ACAP2: variants seen among roughly 807,000 people sequenced by gnomAD.
The protein encoded by ACAP2 is ArfGAP with coiled-coil, ankyrin repeat and PH domains 2.
In ACAP2, 39 loss-of-function variants were observed where a neutral mutation model predicts 115.8. That is an observed-to-expected ratio of 0.34 (90% confidence interval 0.26 to 0.44). ACAP2 has a LOEUF of 0.44. Among genes scored for constraint, ACAP2 ranks in the 20% least tolerant of loss-of-function variants. The probability of loss-of-function intolerance (pLI) is 1.00; values close to 1 mark genes in which losing one functional copy is unlikely to be tolerated. For synonymous variants in ACAP2, 289 were observed against 315.8 expected (o/e 0.92, Z 0.90); for missense variants, 662 against 927.6 (o/e 0.71, Z 3.72).
At chr3:195,321,028 C>A (rs897585324) in intron 9 of ACAP2, among the ~76,000 whole-genome samples, 1 of 151,782 alleles carries the variant, frequency 6.6e-6, no homozygotes, top group Non-Finnish European at 1.5e-5. Context: ...TTATTTTATG[C>A]AATACTTATT....
At chr3:195,404,660 T>C (rs1436736015) in intron 1 of ACAP2, among the ~76,000 whole-genome samples, 5 of 150,354 alleles carry the variant, frequency 3.3e-5, no homozygotes, top group African/African-American at 4.9e-5. Context: ...TTGCCATATA[T>C]ACACACACAC....
intron 15 of ACAP2, among the ~76,000 whole-genome samples, chr3:195,297,924 C>G (rs931855110): frequency 6.6e-6 from 1 of 152,200 alleles, no homozygotes; most frequent in Non-Finnish European, 1.5e-5. Flanking sequence ...TAAATTATAT[C>G]TGTACCTTCT....
chr3:195,295,715 T>C lies in ACAP2; in HGVS notation c.1665A>G (p.Gln555=). 1 of 1,614,102 alleles carries C rather than the reference T, an allele frequency of 6.2e-7. No individual in the cohort carries two copies. The highest frequency in any genetic ancestry group is 8.5e-7 in the Non-Finnish European group (1 of 1,179,980). The change falls in exon 17 of 23, where the codon CAA becomes CAG. Residue 555 remains glutamine (Q), a synonymous_variant. Coordinates refer to ENST00000326793, the MANE Select transcript of ACAP2 (RefSeq NM_012287.6). ...GPGDQVRASA[Q]SSVRSNDSGI... ...TAAGAAAGTTTGCCATACCTGAACTTTGGGCAGATGCTCTGACTTGGTCCC... is the reference window on the plus strand; with the variant it reads ...TAAGAAAGTTTGCCATACCTGAACTCTGGGCAGATGCTCTGACTTGGTCCC...
chr3:195,406,837 T>G (rs1413906237), intron 1 of ACAP2, among the ~76,000 whole-genome samples: 3 of 152,162 alleles, frequency 2.0e-5, no homozygotes, highest in Non-Finnish European at 4.4e-5. Flanking sequence ...TCCAAGGAAG[T>G]ATAAACTAAG....
intron 1 of ACAP2, among the ~76,000 whole-genome samples, chr3:195,425,025 T>TAAAAAAAA (rs1714569564): frequency 9.0e-5 from 2 of 22,160 alleles, no homozygotes; most frequent in Non-Finnish European, 1.5e-4. Flanking sequence ...AGACTCCGTC[T>TAAAAAAAA]CAAAAAAAAA....
Position 195,324,162 on chromosome 3 carries a change from T to C in ACAP2, c.744+2723A>G, listed in dbSNP as rs112424389. On this transcript the variant is annotated intron_variant, in intron 9 of 22. Transcript: ENST00000326793. ...GAGATAAAGACTAATAGTTCACAAA[T>C]AGGATATCCAAATGACCAATGAATA... Among the ~76,000 whole-genome samples the C allele has an allele frequency of 4.6e-4, 70 of 152,188 alleles. No homozygotes were observed. In the Middle Eastern group the frequency reaches 0.017, roughly 37 times the overall value.
chr3:195,429,791 A>C (rs1408960209), intron 1 of ACAP2, among the ~76,000 whole-genome samples: 1 of 152,210 alleles, frequency 6.6e-6, no homozygotes, highest in Non-Finnish European at 1.5e-5. Flanking sequence ...GGTCACAAAA[A>C]TTTAATCTTA....
intron 10 of ACAP2, among the ~76,000 whole-genome samples, chr3:195,319,965 G>A (rs1729342122): frequency 6.6e-6 from 1 of 152,170 alleles, no homozygotes; most frequent in Non-Finnish European, 1.5e-5. Flanking sequence ...GGGACCTGGT[G>A]GGAGGTGACT....
At position 195,407,222 on chromosome 3, in the gene ACAP2, G is replaced by T. The variant is rs185526986; in HGVS notation, c.54-15075C>A. On this transcript the variant is annotated intron_variant, in intron 1 of 22. Transcript: ENST00000326793. ...GTTTAAAAAAAAAAAAAAAGCCACG[G>T]GTGGTAGCTCCATGTCTATAATCCC... Among the ~76,000 whole-genome samples the T allele has an allele frequency of 6.1e-3, 909 of 150,244 alleles. 9 individuals carry two copies. Among genetic ancestry groups the T allele is most frequent in the African/African-American group, 0.021 (865 of 41,030 alleles).
At position 195,320,777 on chromosome 3, in the gene ACAP2, C is replaced by A; in HGVS notation, c.781G>T (p.Val261Leu). 1 of 1,613,156 alleles carries A rather than the reference C, an allele frequency of 6.2e-7. No individual in the cohort carries two copies. Among genetic ancestry groups the A allele is most frequent in the Non-Finnish European group, 8.5e-7 (1 of 1,179,362 alleles). The change falls in exon 10 of 23, where the codon GTA (valine) becomes TTA (leucine). Residue 261 changes from valine to leucine, a missense_variant. Physicochemically the swap from Val to Leu is conservative, Grantham distance 32. Around this residue, in one of 3 missense-constraint regions of ACAP2, gnomAD observed 401 missense variants for 604.4 expected, o/e 0.66. Coordinates refer to ENST00000326793, the MANE Select transcript of ACAP2 (RefSeq NM_012287.6). ...ATAACTATGCCATTTGCAGCATCTA[C>A]GTTATATTCTAACTTAGAATCATCA... is the stretch of plus-strand genomic sequence containing the variant. ...SSDDSKLEYN[V>L]DAANGIVMEG... is the part of the protein sequence containing the mutation.
In ACAP2 at chr3:195,327,048, T is replaced by TA. The variant is rs146056875; in HGVS notation, c.670-90dup. On this transcript the variant is annotated intron_variant, in intron 8 of 22. Transcript: ENST00000326793. ...TATTCCAAATCATTTCACAGATAAA[T>TA]AAAAAATCACTCAATTTAAGCTGAT... The TA allele has an allele frequency of 4.8e-3, 5,697 of 1,186,220 alleles. 230 individuals carry two copies. In the African/African-American group the frequency reaches 0.077, roughly 16 times the overall value. The allele number at this position is 1,186,220 out of a possible 1,614,324, so 73.5% of individuals were successfully genotyped here. A position where few individuals can be genotyped will look rare whatever the true frequency, so the allele number is the denominator to read the frequency against.
At position 195,278,849 on chromosome 3, in the gene ACAP2, A is replaced by C. The variant is rs1726301345; in HGVS notation, c.*479T>G. 6.5e-6 allele frequency: 1 copy of C among 152,866 alleles called. No homozygotes were observed. The highest frequency in any genetic ancestry group is 2.0e-4 in the South Asian group (1 of 4,884). The allele number at this position is 152,866 out of a possible 1,614,324, so 9.5% of individuals were successfully genotyped here. On this transcript the variant is annotated 3_prime_UTR_variant, in exon 23 of 23. Coordinates refer to ENST00000326793, the MANE Select transcript of ACAP2 (RefSeq NM_012287.6). Reference sequence around the variant, plus strand: ...AAGCTAGGTTACCAAAAACACATCAACACACACACCTATTTCTGAACCACC... The same window carrying C: ...AAGCTAGGTTACCAAAAACACATCACCACACACACCTATTTCTGAACCACC...
chr3:195,359,290 T>C (rs1732191643), intron 4 of ACAP2, among the ~76,000 whole-genome samples: 1 of 152,196 alleles, frequency 6.6e-6, no homozygotes, highest in Non-Finnish European at 1.5e-5. Flanking sequence ...AAACACGGAA[T>C]ACTATAACAC....
At chr3:195,406,472 G>C (rs927434753) in intron 1 of ACAP2, among the ~76,000 whole-genome samples, 1 of 152,132 alleles carries the variant, frequency 6.6e-6, no homozygotes, top group African/African-American at 2.4e-5. Context: ...CATCATAGTT[G>C]CACATTCCTG....
chr3:195,302,086 A>G lies in ACAP2; in HGVS notation c.1205T>C (p.Leu402Pro). 6.2e-7 allele frequency: 1 copy of G among 1,614,208 alleles called. No individual in the cohort carries two copies. The highest frequency in any genetic ancestry group is 2.2e-5 in the East Asian group (1 of 44,896). Residue 402 changes from leucine to proline, a missense_variant, in exon 14 of 23, where the codon CTT (leucine) becomes CCT (proline). Physicochemically the swap from Leu to Pro is moderately conservative, Grantham distance 98. Coordinates refer to ENST00000326793, the MANE Select transcript of ACAP2 (RefSeq NM_012287.6). ...KEKLLKGESA[L>P]QRVQCIPGNA... Reference sequence around the variant, plus strand: ...GCCAGGGATACACTGGACCCGCTGAAGCGCACTTTCTCCTTTCAATAATTT... The same window carrying G: ...GCCAGGGATACACTGGACCCGCTGAGGCGCACTTTCTCCTTTCAATAATTT...
chr3:195,293,186 T>A (rs941057466), intron 18 of ACAP2, among the ~76,000 whole-genome samples: 1 of 152,170 alleles, frequency 6.6e-6, no homozygotes. Flanking sequence ...TTCCTAAATG[T>A]TGGGACTTAA....
At chr3:195,290,848 A>AAT (rs1727198196) in intron 20 of ACAP2, among the ~76,000 whole-genome samples, 2 of 43,596 alleles carry the variant, frequency 4.6e-5, no homozygotes, top group East Asian at 1.1e-3. Flanking sequence ...AAATAAATAA[A>AAT]TAATAAATAA....
At chr3:195,287,838 T>A (rs1466890510) in intron 21 of ACAP2, among the ~76,000 whole-genome samples, 1 of 152,140 alleles carries the variant, frequency 6.6e-6, no homozygotes, top group East Asian at 1.9e-4. Flanking sequence ...GCACGGTGAC[T>A]CACGCCTGTA....
intron 4 of ACAP2, among the ~76,000 whole-genome samples, chr3:195,374,337 C>A (rs1379749452): frequency 6.6e-6 from 1 of 152,178 alleles, no homozygotes; most frequent in Non-Finnish European, 1.5e-5. Flanking sequence ...TTGCAGTGAG[C>A]CGAGATCAGG....
Sources: gnomAD v4.1 joint callset for allele counts (sites outside exome capture counted in the v4.1 genomes callset) on GRCh38, gnomAD v4.1.1 for gene constraint, gnomAD v4.1.1 regional missense constraint, MANE v1.5 for transcripts, NCBI Gene and HGNC (gene_info 2026-07-23, HGNC 2026-07-21) for gene names.